Variants in GPHN observed in about 807,000 individuals in gnomAD.
GPHN encodes the protein gephyrin.
GPHN carries 17 observed loss-of-function variants against 95.5 expected under a neutral mutation model. The observed-to-expected ratio is 0.18, with a 90% CI of 0.12 to 0.27. The LOEUF is 0.27. GPHN is among the 10% of genes least tolerant of loss of function. The pLI is 1.00. For missense variants in GPHN, 660 were observed against 978.1 expected (o/e 0.67, Z 4.34); for synonymous variants, 320 against 322.5 (o/e 0.99, Z 0.08).
At chr14:66,769,209 A>T (rs898965944) in intron 2 of GPHN, among the ~76,000 whole-genome samples, 1 of 152,120 alleles carries the variant, frequency 6.6e-6, no homozygotes, top group Non-Finnish European at 1.5e-5. Flanking sequence ...CCAAATTTTA[A>T]TTCTAATCTT....
chr14:67,543,916 T>C, the GPHN span, among the ~76,000 whole-genome samples: 1 of 152,120 alleles, frequency 6.6e-6, no homozygotes, highest in South Asian at 2.1e-4. Flanking sequence ...ATAGCCACAG[T>C]GGTACTCAAC....
chr14:66,924,493 G>C (rs994399153), intron 8 of GPHN, among the ~76,000 whole-genome samples: 17 of 152,148 alleles, frequency 1.1e-4, no homozygotes, highest in Non-Finnish European at 1.6e-4. Context: ...AAAGTACTCT[G>C]CTATCATTAA....
chr14:66,723,989 A>T (rs986636042), intron 2 of GPHN, among the ~76,000 whole-genome samples: 3 of 125,168 alleles, frequency 2.4e-5, no homozygotes, highest in South Asian at 5.2e-4. Flanking sequence ...GCATACATAC[A>T]CACACACACA....
chr14:67,042,061 G>T (rs189920010), intron 10 of GPHN, among the ~76,000 whole-genome samples: 2,576 of 146,614 alleles, frequency 0.018, 22 homozygotes, highest in Middle Eastern at 0.025. Flanking sequence ...TTTTTGATGG[G>T]TTTTTTTTTT....
intron 3 of GPHN, among the ~76,000 whole-genome samples, chr14:66,823,539 GT>G (rs1446384324): frequency 6.6e-6 from 1 of 151,992 alleles, no homozygotes; most frequent in Non-Finnish European, 1.5e-5. Context: ...TACAATTTAT[GT>G]TTTTAAAAAT....
the GPHN span, among the ~76,000 whole-genome samples, chr14:67,560,644 G>C: frequency 6.6e-6 from 1 of 151,628 alleles, no homozygotes; most frequent in African/African-American, 2.4e-5. Context: ...TGAAGCTACA[G>C]TGCTATCACC....
chr14:67,714,808 A>G, the GPHN span: 2 of 152,290 alleles, frequency 1.3e-5, no homozygotes, highest in Admixed American at 6.5e-5. Flanking sequence ...AAGAGGGCCA[A>G]TAAGCCCAGG....
chr14:66,685,274 G>A (rs1209087333), intron 2 of GPHN, among the ~76,000 whole-genome samples: 1 of 152,154 alleles, frequency 6.6e-6, no homozygotes, highest in African/African-American at 2.4e-5. Flanking sequence ...CCAGTAATGG[G>A]ATGGCTGGGT....
intron 2 of GPHN, among the ~76,000 whole-genome samples, chr14:66,693,045 A>G (rs1180133250): frequency 6.6e-6 from 1 of 151,978 alleles, no homozygotes; most frequent in Non-Finnish European, 1.5e-5. Context: ...AAATATAAAT[A>G]AGCCCACTAC....
intron 1 of GPHN, among the ~76,000 whole-genome samples, chr14:66,637,181 A>G (rs1376353212): frequency 6.6e-6 from 1 of 152,154 alleles, no homozygotes; most frequent in African/African-American, 2.4e-5. Flanking sequence ...GGTCTTTAGA[A>G]TATAGGGTGT....
chr14:67,427,469 T>C, the GPHN span, among the ~76,000 whole-genome samples: 1 of 152,190 alleles, frequency 6.6e-6, no homozygotes, highest in South Asian at 2.1e-4. Flanking sequence ...AGGCCACCTT[T>C]GTCAGGGGCT....
chr14:67,645,801 A>G, the GPHN span: 1 of 1,613,520 alleles, frequency 6.2e-7, no homozygotes, highest in Admixed American at 1.7e-5. Flanking sequence ...CTACAGGATA[A>G]GGTCAGTGGG....
chr14:66,855,800 T>C (rs2062780076), intron 4 of GPHN, among the ~76,000 whole-genome samples: 2 of 152,120 alleles, frequency 1.3e-5, no homozygotes, highest in South Asian at 4.1e-4. Flanking sequence ...TTGTATGTGG[T>C]GTGAGGTACG....
the GPHN span, among the ~76,000 whole-genome samples, chr14:67,381,873 G>T: frequency 6.6e-6 from 1 of 151,562 alleles, no homozygotes; most frequent in East Asian, 1.9e-4. Context: ...TTTAGGCTTT[G>T]TTGGTTTCTA....
intron 13 of GPHN, among the ~76,000 whole-genome samples, chr14:67,108,614 G>A (rs540497588): frequency 6.8e-4 from 103 of 152,148 alleles, no homozygotes; most frequent in Non-Finnish European, 1.3e-3. Context: ...TAATATTATG[G>A]AGAGAAGATT....
At chr14:66,556,239 A>G (rs2060003217) in intron 1 of GPHN, among the ~76,000 whole-genome samples, 1 of 152,194 alleles carries the variant, frequency 6.6e-6, no homozygotes, top group African/African-American at 2.4e-5. Flanking sequence ...ATTCAACTAG[A>G]TTGCATACTT....
the GPHN span, among the ~76,000 whole-genome samples, chr14:67,490,730 C>T: frequency 2.0e-3 from 311 of 152,302 alleles, 2 homozygotes; most frequent in Middle Eastern, 0.01. Context: ...TGGAACCTAA[C>T]ACTGGAGCCA....
chr14:66,836,732 C>CA (rs1204022920), intron 4 of GPHN, among the ~76,000 whole-genome samples: 1 of 150,610 alleles, frequency 6.6e-6, no homozygotes, highest in Non-Finnish European at 1.5e-5. Flanking sequence ...ACAATGAACT[C>CA]AAACAAATTT....
At chr14:67,633,715 T>C in the GPHN span, among the ~76,000 whole-genome samples, 2 of 152,252 alleles carry the variant, frequency 1.3e-5, no homozygotes, top group Admixed American at 6.5e-5. Context: ...ATTTAGGACC[T>C]GGGCCTTGCC....
Sources: allele counts gnomAD v4.1 joint callset (sites outside exome capture counted in the v4.1 genomes callset), GRCh38; gene constraint gnomAD v4.1.1; transcripts MANE v1.5; gene names NCBI Gene and HGNC (gene_info 2026-07-23, HGNC 2026-07-21).